The following MDGA2 variants were observed in gnomAD, a reference collection of about 807,000 sequenced individuals.
MDGA2 encodes MAM domain-containing glycosylphosphatidylinositol anchor protein 2.
A neutral mutation model predicts 117.8 loss-of-function variants in MDGA2; 40 were observed. The observed-to-expected ratio is 0.34, with a 90% CI of 0.26 to 0.44. The LOEUF is 0.44. Among genes scored for constraint, MDGA2 ranks in the 20% least tolerant of loss-of-function variants. MDGA2 has a pLI of 1.00. For missense variants in MDGA2, 1,123 were observed against 1,250.6 expected, an observed-to-expected ratio of 0.90 and a Z score of 1.54; for synonymous variants, 452 against 439.0, an observed-to-expected ratio of 1.03 and a Z score of -0.37.
intron 1 of MDGA2, among the ~76,000 whole-genome samples, chr14:47,344,052 T>C (rs1011779028): frequency 2.0e-5 from 3 of 152,198 alleles, no homozygotes; most frequent in Admixed American, 1.3e-4. Flanking sequence ...GATCACTGTT[T>C]ACCACACAAT....
intron 1 of MDGA2, among the ~76,000 whole-genome samples, chr14:47,651,620 T>C (rs1242249024): frequency 6.6e-6 from 1 of 151,922 alleles, no homozygotes; most frequent in Non-Finnish European, 1.5e-5. Context: ...TGGATGTATG[T>C]AGGGAGTTAT....
At chr14:47,431,648 C>T (rs949718617) in intron 1 of MDGA2, among the ~76,000 whole-genome samples, 1 of 151,938 alleles carries the variant, frequency 6.6e-6, no homozygotes, top group South Asian at 2.1e-4. Flanking sequence ...TTCCTTTGCA[C>T]AAATGAGGGT....
chr14:46,871,584 T>C (rs1882000431), intron 14 of MDGA2: 1 of 152,836 alleles, frequency 6.5e-6, no homozygotes. Flanking sequence ...TCAACTATTA[T>C]TTTATTATTG....
intron 10 of MDGA2, among the ~76,000 whole-genome samples, chr14:46,906,024 C>T (rs1216695655): frequency 2.0e-5 from 3 of 151,732 alleles, no homozygotes; most frequent in African/African-American, 7.3e-5. Flanking sequence ...GGCATGTTGT[C>T]ATTATATAAA....
intron 4 of MDGA2, among the ~76,000 whole-genome samples, chr14:47,140,554 A>G (rs762681817): frequency 2.6e-5 from 4 of 152,142 alleles, no homozygotes; most frequent in African/African-American, 7.2e-5. Context: ...ATTTTCAACA[A>G]AAGTGCTAAA....
At chr14:47,428,237 A>C (rs943825665) in intron 1 of MDGA2, among the ~76,000 whole-genome samples, 2 of 152,176 alleles carry the variant, frequency 1.3e-5, no homozygotes, top group African/African-American at 4.8e-5. Flanking sequence ...TACTCTGAAG[A>C]ATATCATATT....
intron 3 of MDGA2, among the ~76,000 whole-genome samples, chr14:47,168,704 T>A (rs568829131): frequency 2.6e-5 from 4 of 152,098 alleles, no homozygotes; most frequent in Non-Finnish European, 5.9e-5. Context: ...ACCAAGTTCA[T>A]TTTAAGAAAC....
At chr14:47,231,507 A>G (rs1436518923) in intron 2 of MDGA2, among the ~76,000 whole-genome samples, 1 of 152,072 alleles carries the variant, frequency 6.6e-6, no homozygotes, top group African/African-American at 2.4e-5. Context: ...TTCTCCAAGA[A>G]CAAGTGAAAA....
intron 1 of MDGA2, among the ~76,000 whole-genome samples, chr14:47,618,609 G>A (rs935435713): frequency 6.6e-6 from 1 of 152,040 alleles, no homozygotes; most frequent in Non-Finnish European, 1.5e-5. Context: ...TCTGAATGCC[G>A]CATCTAATAT....
intron 1 of MDGA2, among the ~76,000 whole-genome samples, chr14:47,643,387 T>C (rs1897465678): frequency 6.6e-6 from 1 of 152,086 alleles, no homozygotes; most frequent in East Asian, 1.9e-4. Context: ...TCACCATTTT[T>C]GGACATGCAT....
In MDGA2 at chr14:46,929,069, T is replaced by A. The variant is rs527285423; in HGVS notation, c.2090-8909A>T. 4.6e-5 allele frequency among the ~76,000 whole-genome samples: 7 copies of A among 152,250 alleles called. No individual in the cohort carries two copies. In the East Asian group the frequency reaches 1.4e-3, roughly 29 times the overall value. On this transcript the variant is annotated intron_variant, in intron 9 of 16. Transcript: ENST00000399232. ...GGGGTCACATGATTGCTAAACTCTG[T>A]TCTAAATTATTTCAGGATGTTACAG... is the stretch of plus-strand genomic sequence containing the variant.
At chr14:47,162,193 C>A (rs1883671084) in intron 3 of MDGA2, among the ~76,000 whole-genome samples, 1 of 152,028 alleles carries the variant, frequency 6.6e-6, no homozygotes, top group African/African-American at 2.4e-5. Context: ...GTTCTGCATG[C>A]CTCGGCCTCC....
chr14:47,571,067 C>T (rs1333737177), intron 1 of MDGA2, among the ~76,000 whole-genome samples: 1 of 152,028 alleles, frequency 6.6e-6, no homozygotes, highest in Non-Finnish European at 1.5e-5. Flanking sequence ...AAGAAAAAAA[C>T]AAACAACCCC....
intron 2 of MDGA2, among the ~76,000 whole-genome samples, chr14:47,290,244 G>A (rs1458527186): frequency 6.6e-6 from 1 of 152,008 alleles, no homozygotes; most frequent in South Asian, 2.1e-4. Context: ...GGTCACAAGG[G>A]TAGAGACCTC....
At chr14:46,891,765 C>T (rs1291625456) in intron 10 of MDGA2, among the ~76,000 whole-genome samples, 1 of 151,024 alleles carries the variant, frequency 6.6e-6, no homozygotes, top group African/African-American at 2.4e-5. Context: ...CTAGTAACTA[C>T]AATTTTATCA....
intron 8 of MDGA2, among the ~76,000 whole-genome samples, chr14:46,999,440 A>G (rs1887423755): frequency 6.6e-6 from 1 of 152,102 alleles, no homozygotes; most frequent in Non-Finnish European, 1.5e-5. Context: ...AATAGGCACA[A>G]AATTACTAGA....
chr14:47,362,039 A>T lies in MDGA2; in HGVS notation c.281-60489T>A, dbSNP rs150094504. ...TAGAAAGTTTGTAACCTCCAATGAG[A>T]CAGCATACATCTATTTGCATATATA... On this transcript the variant is annotated intron_variant, in intron 1 of 16. Transcript: ENST00000399232. Among the ~76,000 whole-genome samples, 10 of 152,284 alleles carry T rather than the reference A, an allele frequency of 6.6e-5. No homozygotes were observed. The East Asian group carries it at 1.7e-3, about 26-fold the overall frequency.
chr14:47,622,269 T>C (rs1345729687), intron 1 of MDGA2, among the ~76,000 whole-genome samples: 3 of 152,198 alleles, frequency 2.0e-5, no homozygotes, highest in Admixed American at 6.5e-5. Flanking sequence ...ATGACATCAC[T>C]ATTTTTTACT....
intron 1 of MDGA2, among the ~76,000 whole-genome samples, chr14:47,483,075 T>C (rs926926510): frequency 3.3e-5 from 5 of 152,100 alleles, no homozygotes; most frequent in African/African-American, 1.2e-4. Flanking sequence ...TTTTAAAAAA[T>C]AAGTAATCTT....
Sources: gnomAD v4.1 joint callset for allele counts (sites outside exome capture counted in the v4.1 genomes callset) on GRCh38, gnomAD v4.1.1 for gene constraint, MANE v1.5 for transcripts, NCBI Gene and HGNC (gene_info 2026-07-23, HGNC 2026-07-21) for gene names.